The following ADAMTSL1 variants were observed in gnomAD, a reference collection of about 807,000 sequenced individuals.
The protein encoded by ADAMTSL1 is ADAMTS-like protein 1.
Under a neutral mutation model 201.8 loss-of-function variants are expected in ADAMTSL1, and 126 were observed. The ratio of observed to expected loss-of-function variants is 0.62; its 90% CI spans 0.54 to 0.72. ADAMTSL1 has a LOEUF of 0.72. Ranked by LOEUF, ADAMTSL1 falls within the 30% of genes least tolerant of loss-of-function variation. The pLI is 0.00. For missense variants in ADAMTSL1, 2,679 were observed against 2,277.8 expected, an observed-to-expected ratio of 1.18 and a Z score of -3.59; for synonymous variants, 1,121 against 903.4, an observed-to-expected ratio of 1.24 and a Z score of -4.32.
intron 3 of ADAMTSL1, among the ~76,000 whole-genome samples, chr9:18,545,441 G>A (rs1371626459): frequency 3.3e-5 from 5 of 151,922 alleles, no homozygotes; most frequent in Admixed American, 1.3e-4. Flanking sequence ...TAAGGCTCAA[G>A]CATTTTTACA....
intron 14 of ADAMTSL1, 142 bp downstream of exon 14, chr9:18,707,190 G>A: frequency 9.1e-6 from 10 of 1,104,770 alleles, no homozygotes; most frequent in Non-Finnish European, 1.3e-5. Flanking sequence ...TAAATGTAAA[G>A]CACACTGAAT....
At chr9:18,114,658 C>G (rs1825173330) in intron 1 of ADAMTSL1, among the ~76,000 whole-genome samples, 1 of 151,956 alleles carries the variant, frequency 6.6e-6, no homozygotes, top group Non-Finnish European at 1.5e-5. Context: ...CTCTGGAACT[C>G]AAAATATTAA....
intron 2 of ADAMTSL1, among the ~76,000 whole-genome samples, chr9:18,440,333 TA>T (rs1224580613): frequency 2.0e-5 from 3 of 152,094 alleles, no homozygotes; most frequent in African/African-American, 7.2e-5. Context: ...AACAAATCTG[TA>T]AAATCACTAG....
intron 2 of ADAMTSL1, among the ~76,000 whole-genome samples, chr9:18,208,391 T>A (rs1829740146): frequency 6.6e-6 from 1 of 152,148 alleles, no homozygotes; most frequent in African/African-American, 2.4e-5. Context: ...GCATTGATGC[T>A]GGGAAATTCT....
intron 13 of ADAMTSL1, among the ~76,000 whole-genome samples, chr9:18,702,951 A>G (rs569899865): frequency 9.6e-4 from 146 of 152,134 alleles, no homozygotes; most frequent in African/African-American, 3.3e-3. Context: ...TTATAGAGAC[A>G]GGGCTTCACC....
chr9:18,897,044 T>G (rs1018328455), intron 26 of ADAMTSL1, among the ~76,000 whole-genome samples: 3 of 152,226 alleles, frequency 2.0e-5, no homozygotes, highest in Non-Finnish European at 4.4e-5. Flanking sequence ...CCAGCTGTTC[T>G]AGCCTGCCAG....
intron 20 of ADAMTSL1, among the ~76,000 whole-genome samples, chr9:18,805,212 C>T (rs774513354): frequency 9.2e-5 from 14 of 152,278 alleles, no homozygotes; most frequent in Admixed American, 7.8e-4. Flanking sequence ...TTAAGCTCTC[C>T]GCATCTGTCC....
intron 21 of ADAMTSL1, among the ~76,000 whole-genome samples, chr9:18,820,407 AAC>A (rs1269171164): frequency 3.3e-5 from 5 of 152,214 alleles, no homozygotes; most frequent in Non-Finnish European, 5.9e-5. Flanking sequence ...AATTTTAGAA[AAC>A]ACAGAAAAAT....
At chr9:17,980,959 A>G (rs557529821) in intron 1 of ADAMTSL1, among the ~76,000 whole-genome samples, 1 of 152,240 alleles carries the variant, frequency 6.6e-6, no homozygotes, top group African/African-American at 2.4e-5. Context: ...TGCACTCTTG[A>G]CAACCAGCTT....
chr9:18,505,683 G>A (rs1823085685), intron 2 of ADAMTSL1, among the ~76,000 whole-genome samples: 1 of 152,162 alleles, frequency 6.6e-6, no homozygotes, highest in Non-Finnish European at 1.5e-5. Context: ...AAGTACCATG[G>A]TAATATTTTT....
At chr9:18,622,731 G>T in intron 5 of ADAMTSL1, 1 of 385,948 alleles carries the variant, frequency 2.6e-6, no homozygotes, top group Non-Finnish European at 4.6e-6. Context: ...GAGGAAAGTG[G>T]GAAGATAGCA....
intron 23 of ADAMTSL1, among the ~76,000 whole-genome samples, chr9:18,875,699 G>A (rs563750854): frequency 6.6e-6 from 1 of 152,138 alleles, no homozygotes; most frequent in Admixed American, 6.5e-5. Flanking sequence ...TATTCCATGT[G>A]CTGATGAATA....
chr9:18,224,654 A>G (rs369914914), intron 2 of ADAMTSL1, among the ~76,000 whole-genome samples: 1 of 152,120 alleles, frequency 6.6e-6, no homozygotes, highest in African/African-American at 2.4e-5. Flanking sequence ...TGAACATCCT[A>G]TGGATCCCCT....
chr9:18,515,006 T>C (rs1368905575), intron 2 of ADAMTSL1, among the ~76,000 whole-genome samples: 1 of 152,230 alleles, frequency 6.6e-6, no homozygotes, highest in Non-Finnish European at 1.5e-5. Context: ...CAAATGATTT[T>C]TCTGCATCTT....
chr9:18,790,029 A>G (rs776761147), intron 19 of ADAMTSL1, among the ~76,000 whole-genome samples: 7 of 152,204 alleles, frequency 4.6e-5, no homozygotes, highest in Non-Finnish European at 1.0e-4. Flanking sequence ...TTCTCTACCC[A>G]GAACCTGAAT....
intron 1 of ADAMTSL1, among the ~76,000 whole-genome samples, chr9:18,151,758 A>T (rs1035172470): frequency 6.6e-6 from 1 of 152,016 alleles, no homozygotes; most frequent in Non-Finnish European, 1.5e-5. Context: ...GGCCCAAAAC[A>T]CAAAAGGCCC....
intron 9 of ADAMTSL1, among the ~76,000 whole-genome samples, chr9:18,672,769 C>G (rs754668636): frequency 6.6e-6 from 1 of 152,210 alleles, no homozygotes; most frequent in Non-Finnish European, 1.5e-5. Context: ...AACACTGAAT[C>G]ATTCTCCTGA....
At chr9:18,269,447 A>G (rs1832271720) in intron 2 of ADAMTSL1, among the ~76,000 whole-genome samples, 1 of 152,170 alleles carries the variant, frequency 6.6e-6, no homozygotes, top group Non-Finnish European at 1.5e-5. Flanking sequence ...AAGAAGATAT[A>G]TAACACATCA....
At chr9:17,991,921 G>A (rs1412652448) in intron 1 of ADAMTSL1, among the ~76,000 whole-genome samples, 1 of 152,100 alleles carries the variant, frequency 6.6e-6, no homozygotes, top group Non-Finnish European at 1.5e-5. Context: ...CTGCGACACT[G>A]CCTTGCCCCT....
Sources: allele counts gnomAD v4.1 joint callset (sites outside exome capture counted in the v4.1 genomes callset), GRCh38; gene constraint gnomAD v4.1.1; transcripts MANE v1.5; gene names NCBI Gene and HGNC (gene_info 2026-07-23, HGNC 2026-07-21).